Variants in PTPN9 observed in about 807,000 individuals in gnomAD.
PTPN9 encodes the protein protein tyrosine phosphatase non-receptor type 9.
In PTPN9, 26 loss-of-function variants were observed where a neutral mutation model predicts 69.8. That is an observed-to-expected ratio of 0.37 (90% CI 0.27 to 0.52). PTPN9 has a LOEUF of 0.52. PTPN9 is among the 20% of genes least tolerant of loss of function. PTPN9 has a pLI of 0.91. For missense variants in PTPN9, 549 were observed against 740.3 expected (o/e 0.74, Z 3.00); for synonymous variants, 274 against 272.5 (o/e 1.01, Z -0.05).
chr15:75,519,965 C>T (rs1239394171), intron 4 of PTPN9, among the ~76,000 whole-genome samples: 2 of 151,986 alleles, frequency 1.3e-5, no homozygotes, highest in South Asian at 4.1e-4. Context: ...TCCGCCTCTA[C>T]AAAAAAATTT....
At chr15:75,562,010 TTTATTA>T (rs147677819) in intron 1 of PTPN9, among the ~76,000 whole-genome samples, 4 of 151,916 alleles carry the variant, frequency 2.6e-5, no homozygotes, top group South Asian at 2.1e-4. Flanking sequence ...ACCCAGCTAA[TTTATTA>T]TTATTATTAT....
chr15:75,519,234 G>A (rs1285517280), intron 4 of PTPN9, among the ~76,000 whole-genome samples: 1 of 152,080 alleles, frequency 6.6e-6, no homozygotes, highest in Non-Finnish European at 1.5e-5. Context: ...TCAGCCTCCC[G>A]AGTAGCTAGG....
chr15:75,508,639 C>T (rs143381416), intron 6 of PTPN9, among the ~76,000 whole-genome samples: 27 of 152,272 alleles, frequency 1.8e-4, no homozygotes, highest in African/African-American at 6.3e-4. Context: ...CTCCAGGACA[C>T]GTTCCTTCAG....
At chr15:75,578,032 T>C (rs971800364) in intron 1 of PTPN9, among the ~76,000 whole-genome samples, 1 of 152,114 alleles carries the variant, frequency 6.6e-6, no homozygotes, top group Non-Finnish European at 1.5e-5. Context: ...TAAGGAACAA[T>C]AGAGCTCAAT....
chr15:75,576,037 T>C (rs61052540), intron 1 of PTPN9, among the ~76,000 whole-genome samples: 4 of 138,698 alleles, frequency 2.9e-5, no homozygotes, highest in African/African-American at 1.1e-4. Flanking sequence ...ATCGAGACCA[T>C]CCTCCAACAT....
intron 5 of PTPN9, among the ~76,000 whole-genome samples, chr15:75,514,109 A>G (rs1415792782): frequency 6.6e-6 from 1 of 151,520 alleles, no homozygotes; most frequent in South Asian, 2.1e-4. Flanking sequence ...TCAAAAAAAA[A>G]AAAAAAAAGA....
Position 75,486,781 on chromosome 15 carries a change from GTTT to G in PTPN9, c.1062+3424_1062+3426del, listed in dbSNP as rs34430924. ...ATATGTGAAGTAATGCATATGTGGT[GTTT>G]TTTTTTTTTTTTTTTTTGAGACGGA... On this transcript the variant is annotated intron_variant, in intron 8 of 12. Transcript: ENST00000618819. Among the ~76,000 whole-genome samples, 55 of 118,502 alleles carry G rather than the reference GTTT, an allele frequency of 4.6e-4. No individual in the cohort carries two copies. In the East Asian group the frequency reaches 0.013, roughly 27 times the overall value. The allele number at this position is 118,502 out of a possible 152,430, so 77.7% of individuals were successfully genotyped here. A position where few individuals can be genotyped will look rare whatever the true frequency, so the allele number is the denominator to read the frequency against.
intron 9 of PTPN9, among the ~76,000 whole-genome samples, chr15:75,475,407 C>T (rs994164594): frequency 6.6e-6 from 1 of 151,940 alleles, no homozygotes; most frequent in African/African-American, 2.4e-5. Flanking sequence ...GGTAAAACCC[C>T]GTCTCTACTA....
intron 6 of PTPN9, 78 bp from the exon 7 acceptor site, chr15:75,506,081 A>G (rs1309502945): frequency 8.5e-7 from 1 of 1,176,276 alleles, no homozygotes. Context: ...AAATGTATTT[A>G]TATCAGGTTT....
chr15:75,565,188 A>T (rs1004539380), intron 1 of PTPN9, among the ~76,000 whole-genome samples: 1 of 151,120 alleles, frequency 6.6e-6, no homozygotes, highest in Non-Finnish European at 1.5e-5. Flanking sequence ...ACCTCTGAAA[A>T]CCCCTGCAAA....
chr15:75,469,834 G>A lies in PTPN9; in HGVS notation c.1525C>T (p.Pro509Ser). The A allele has an allele frequency of 6.2e-7, 1 of 1,613,546 alleles. No individual in the cohort carries two copies. The highest frequency in any genetic ancestry group is 8.5e-7 in the Non-Finnish European group (1 of 1,180,036). Residue 509 changes from proline to serine, a missense_variant, in exon 12 of 13, where the codon CCA (proline) becomes TCA (serine). Physicochemically the swap from Pro to Ser is moderately conservative, Grantham distance 74. Coordinates refer to ENST00000618819, the MANE Select transcript of PTPN9 (RefSeq NM_002833.4). ...GCACTGCAATGGACCACAATGGGTG[G>A]CTCAGGGCACTGCCCTTTGGAGCGT... ...GARSKGQCPEPPIVVHCSAGI... is the reference protein window; with the variant it reads ...GARSKGQCPESPIVVHCSAGI...
At chr15:75,524,663 A>C (rs2074919470) in intron 2 of PTPN9, among the ~76,000 whole-genome samples, 1 of 150,734 alleles carries the variant, frequency 6.6e-6, no homozygotes, top group African/African-American at 2.4e-5. Flanking sequence ...CCATAATCCC[A>C]GCTACTCAGG....
chr15:75,557,721 T>C (rs1003308213), intron 1 of PTPN9, among the ~76,000 whole-genome samples: 10 of 152,216 alleles, frequency 6.6e-5, no homozygotes, highest in Admixed American at 2.6e-4. Context: ...AGTTTTGATA[T>C]GGGCTTTTAC....
intron 8 of PTPN9, 117 bp from the exon 9 acceptor site, chr15:75,480,031 A>T (rs1448014684): frequency 4.5e-6 from 3 of 672,482 alleles, no homozygotes; most frequent in Non-Finnish European, 7.3e-6. Context: ...GTTGAGCAGA[A>T]AATGAGGAGT....
chr15:75,538,405 A>G (rs1464859827), intron 1 of PTPN9, among the ~76,000 whole-genome samples: 1 of 152,140 alleles, frequency 6.6e-6, no homozygotes, highest in Non-Finnish European at 1.5e-5. Context: ...GCAAAAAGAC[A>G]GGAATTTTAG....
At chr15:75,494,131 CATATATATAT>C (rs71140166) in intron 7 of PTPN9, among the ~76,000 whole-genome samples, 3 of 143,518 alleles carry the variant, frequency 2.1e-5, no homozygotes, top group Non-Finnish European at 3.0e-5. Flanking sequence ...TTATCAATCC[CATATATATAT>C]ATATATATAT....
At chr15:75,529,228 G>A (rs1333482905) in intron 1 of PTPN9, among the ~76,000 whole-genome samples, 1 of 151,504 alleles carries the variant, frequency 6.6e-6, no homozygotes, top group Admixed American at 6.6e-5. Context: ...CTCATGATCC[G>A]TCCGCCTCGG....
In PTPN9 at chr15:75,464,600, G is replaced by GT. The variant is rs1356930835; in HGVS notation, c.*4168dup. On this transcript the variant is annotated 3_prime_UTR_variant, in exon 13 of 13. Transcript: ENST00000618819. ...CCTAGGACTTGGGTTTGGTTCAGTG[G>GT]TAAGACCTCAAAACCACAAAAGAGC... is the stretch of plus-strand genomic sequence containing the variant. The GT allele has an allele frequency of 1.3e-5, 2 of 152,088 alleles. No individual in the cohort carries two copies. Among genetic ancestry groups the GT allele is most frequent in the Non-Finnish European group, 2.9e-5 (2 of 68,044 alleles). 9.4% of individuals were successfully genotyped at this position (152,088 alleles called of 1,614,324 possible). A position where few individuals can be genotyped will look rare whatever the true frequency, so the allele number is the denominator to read the frequency against.
At chr15:75,474,081 G>C (rs189574366) in intron 9 of PTPN9, among the ~76,000 whole-genome samples, 1 of 152,322 alleles carries the variant, frequency 6.6e-6, no homozygotes, top group Admixed American at 6.5e-5. Context: ...CAGGCTGACA[G>C]TGTCAAACTG....
Sources: gnomAD v4.1 joint callset for allele counts (sites outside exome capture counted in the v4.1 genomes callset) on GRCh38, gnomAD v4.1.1 for gene constraint, MANE v1.5 for transcripts, NCBI Gene and HGNC (gene_info 2026-07-23, HGNC 2026-07-21) for gene names.